PCLO: variants seen among roughly 807,000 people sequenced by gnomAD.
PCLO encodes the protein protein piccolo.
Under a neutral mutation model 427.5 loss-of-function variants are expected in PCLO, and 82 were observed. The ratio of observed to expected loss-of-function variants is 0.19; its 90% confidence interval spans 0.16 to 0.23. PCLO has a LOEUF of 0.23. Among genes scored for constraint, PCLO ranks in the 10% least tolerant of loss-of-function variants. The pLI is 1.00. For synonymous variants in PCLO, 2,357 were observed against 2,155.4 expected (o/e 1.09, Z -2.59); for missense variants, 6,239 against 6,115.9 (o/e 1.02, Z -0.67).
intron 22 of PCLO, among the ~76,000 whole-genome samples, chr7:82,782,784 A>C: frequency 6.6e-6 from 1 of 152,328 alleles, no homozygotes; most frequent in South Asian, 2.1e-4. Context: ...AATATATTTG[A>C]AAGTGTCTTA....
rs1405280455 is a variant in PCLO, at chr7:82,801,567, T to G, written c.14958A>C (p.Gln4986His). ...CTACCCCTGGCTGTTTTACAGGCTC[T>G]TGTCCATTCTGTCCCATCTTCCCTC... Reference protein sequence around the residue: ...PRIGKMGQNGQEPVKQPGVGV... With the variant: ...PRIGKMGQNGHEPVKQPGVGV... The change falls in exon 22 of 25, where the codon CAA (glutamine) becomes CAC (histidine). Residue 4986 changes from glutamine to histidine, a missense_variant. By Grantham distance (24) the Gln-to-His change is conservative (BLOSUM62 0). Coordinates refer to ENST00000333891, the MANE Select transcript of PCLO (RefSeq NM_033026.6). 1.3e-6 allele frequency: 2 copies of G among 1,592,972 alleles called. No individual in the cohort carries two copies. The highest frequency in any genetic ancestry group is 1.1e-5 in the South Asian group (1 of 90,534).
Position 82,756,603 on chromosome 7 carries a change from C to T in PCLO, c.*1972G>A, listed in dbSNP as rs1294638528. 6.6e-6 allele frequency: 1 copy of T among 151,876 alleles called. No homozygotes were observed. The highest frequency in any genetic ancestry group is 1.5e-5 in the Non-Finnish European group (1 of 67,956). 9.4% of individuals were successfully genotyped at this position (151,876 alleles called of 1,614,324 possible). A position where few individuals can be genotyped will look rare whatever the true frequency, so the allele number is the denominator to read the frequency against. ...CTTATTTTTAGTGCTTTACAGTCCTCTCAAATTTAGAGCATTTTTTCTTTA... is the reference window on the plus strand; with the variant it reads ...CTTATTTTTAGTGCTTTACAGTCCTTTCAAATTTAGAGCATTTTTTCTTTA... On this transcript the variant is annotated 3_prime_UTR_variant, in exon 25 of 25. Transcript: ENST00000333891.
At chr7:82,851,922 T>C (rs2115849954) in intron 10 of PCLO, among the ~76,000 whole-genome samples, 1 of 152,242 alleles carries the variant, frequency 6.6e-6, no homozygotes, top group African/African-American at 2.4e-5. Context: ...GAGAAAGACA[T>C]AGATAGAGAA....
rs373388702 is a variant in PCLO, at chr7:83,134,385, T to A, written c.3165A>T (p.Pro1055=). Residue 1055 remains proline, a synonymous_variant, in exon 3 of 25, where the codon CCA becomes CCT. Coordinates refer to ENST00000333891, the MANE Select transcript of PCLO (RefSeq NM_033026.6). ...LPTKLEKSPK[P]ESTCPLCKTE... ...TTTTGCAGAGAGGACAGGTTGATTC[T>A]GGTTTGGGCGATTTCTCCAGTTTTG... is the stretch of plus-strand genomic sequence containing the variant. 6.2e-7 allele frequency: 1 copy of A among 1,613,844 alleles called. No individual in the cohort carries two copies. Among genetic ancestry groups the A allele is most frequent in the East Asian group, 2.2e-5 (1 of 44,850 alleles).
intron 6 of PCLO, among the ~76,000 whole-genome samples, chr7:82,945,371 T>C (rs1795179292): frequency 6.6e-6 from 1 of 151,872 alleles, no homozygotes. Flanking sequence ...AGTGCTTGGA[T>C]ATATTTTATG....
At chr7:82,882,009 C>T (rs895551186) in intron 9 of PCLO, among the ~76,000 whole-genome samples, 2 of 151,818 alleles carry the variant, frequency 1.3e-5, no homozygotes, top group Admixed American at 6.6e-5. Context: ...AAGAATAGAA[C>T]GTTAGAAAAT....
chr7:82,806,864 A>C (rs1408864945), intron 20 of PCLO, among the ~76,000 whole-genome samples: 1 of 152,218 alleles, frequency 6.6e-6, no homozygotes, highest in Admixed American at 6.5e-5. Context: ...TATTTGCCAC[A>C]TCACCACTCT....
chr7:83,058,314 T>G (rs1048171775), intron 3 of PCLO, among the ~76,000 whole-genome samples: 8 of 152,152 alleles, frequency 5.3e-5, no homozygotes, highest in African/African-American at 1.9e-4. Flanking sequence ...CCTCTGCCAA[T>G]TTTTCTGCAG....
chr7:83,003,670 T>C (rs901990498), intron 3 of PCLO, among the ~76,000 whole-genome samples: 1 of 152,030 alleles, frequency 6.6e-6, no homozygotes, highest in South Asian at 2.1e-4. Context: ...TGTTGCACCA[T>C]CTTTGCATCC....
At chr7:82,942,188 A>G (rs1027179745) in intron 6 of PCLO, among the ~76,000 whole-genome samples, 1 of 152,238 alleles carries the variant, frequency 6.6e-6, no homozygotes, top group African/African-American at 2.4e-5. Context: ...TAGAAAGAGT[A>G]GTGAACTGTT....
At position 82,915,838 on chromosome 7, in the gene PCLO, C is replaced by T; in HGVS notation, c.12148G>A (p.Asp4050Asn). The change falls in exon 7 of 25, where the codon GAC becomes AAC. Residue 4050 changes from aspartate (D) to asparagine (N), a missense_variant. This residue lies in a region of PCLO where 680 missense variants were observed against 677.3 expected (regional missense o/e 1.00). Coordinates refer to ENST00000333891, the MANE Select transcript of PCLO (RefSeq NM_033026.6). ...CCTTTGGTGATCTCTCCAATGTCGT[C>T]AATTAGGACATAATTTCGTGGAGTA... is the stretch of plus-strand genomic sequence containing the variant. ...HHTPRNYVLI[D>N]DIGEITKGTA... 1.2e-6 allele frequency: 2 copies of T among 1,613,436 alleles called. No homozygotes were observed. Among genetic ancestry groups the T allele is most frequent in the Non-Finnish European group, 1.7e-6 (2 of 1,179,676 alleles).
In PCLO at chr7:83,108,846, A is replaced by C. The variant is rs371693321; in HGVS notation, c.3300+25404T>G. Among the ~76,000 whole-genome samples, 6 of 152,274 alleles carry C rather than the reference A, an allele frequency of 3.9e-5. No homozygotes were observed. In the South Asian group the frequency reaches 8.3e-4, roughly 21 times the overall value. On this transcript the variant is annotated intron_variant, in intron 3 of 24. Coordinates refer to ENST00000333891, the MANE Select transcript of PCLO (RefSeq NM_033026.6). ...GAGCTCTTTCATTAATTTTCAACTT[A>C]ATCACAGTGATGTATACAAAATGTA...
intron 3 of PCLO, among the ~76,000 whole-genome samples, chr7:83,086,299 C>T (rs1358113538): frequency 6.6e-6 from 1 of 151,908 alleles, no homozygotes; most frequent in Non-Finnish European, 1.5e-5. Context: ...TTAGTAGATG[C>T]AGTTTCACCA....
intron 3 of PCLO, among the ~76,000 whole-genome samples, chr7:83,065,136 TTCA>T (rs1789635959): frequency 1.3e-5 from 2 of 151,970 alleles, no homozygotes; most frequent in African/African-American, 4.8e-5. Flanking sequence ...AGGCATATAC[TTCA>T]TCAAGTGTTT....
chr7:82,998,215 C>G (rs1271343543), intron 3 of PCLO, among the ~76,000 whole-genome samples: 1 of 151,844 alleles, frequency 6.6e-6, no homozygotes, highest in Non-Finnish European at 1.5e-5. Flanking sequence ...CCAGGAAGAA[C>G]AAGTCACTAA....
chr7:82,760,602 A>G (rs768774053), intron 24 of PCLO, 37 bp downstream of exon 24: 8 of 1,365,118 alleles, frequency 5.9e-6, no homozygotes, highest in Non-Finnish European at 8.0e-6. Context: ...AATATGAATG[A>G]GAAGTTTCAA....
intron 22 of PCLO, among the ~76,000 whole-genome samples, chr7:82,777,834 T>C (rs1453675935): frequency 6.6e-6 from 1 of 152,086 alleles, no homozygotes; most frequent in African/African-American, 2.4e-5. Context: ...AGGTAATATC[T>C]AGGTCCCTCT....
chr7:83,087,196 A>G (rs921653087), intron 3 of PCLO, among the ~76,000 whole-genome samples: 1 of 146,318 alleles, frequency 6.8e-6, no homozygotes, highest in African/African-American at 2.6e-5. Flanking sequence ...CGTTGTGCAC[A>G]TGTACCCTAG....
chr7:83,022,460 A>G (rs1251377271), intron 3 of PCLO, among the ~76,000 whole-genome samples: 2 of 152,200 alleles, frequency 1.3e-5, no homozygotes, highest in African/African-American at 4.8e-5. Flanking sequence ...AAAGGATCAA[A>G]AAATACCAGG....
Sources: gnomAD v4.1 joint callset for allele counts (sites outside exome capture counted in the v4.1 genomes callset) on GRCh38, gnomAD v4.1.1 for gene constraint, gnomAD v4.1.1 regional missense constraint, MANE v1.5 for transcripts, NCBI Gene and HGNC (gene_info 2026-07-23, HGNC 2026-07-21) for gene names.